Variants in VTA1 observed in about 807,000 individuals in gnomAD.
The protein encoded by VTA1 is vacuolar protein sorting-associated protein VTA1 homolog.
VTA1 carries 24 observed loss-of-function variants against 36.9 expected under a neutral mutation model. The observed-to-expected ratio is 0.65, with a 90% CI of 0.47 to 0.91. VTA1 has a LOEUF of 0.91. Ranked by LOEUF, VTA1 falls within the 40% of genes least tolerant of loss-of-function variation. The pLI, the probability that VTA1 is intolerant of heterozygous loss-of-function variation, is 0.00. For missense variants in VTA1, 393 were observed against 377.2 expected (o/e 1.04, Z -0.35); for synonymous variants, 142 against 130.2 (o/e 1.09, Z -0.62).
At chr6:142,149,166 T>A (rs1006028994) in intron 1 of VTA1, among the ~76,000 whole-genome samples, 2 of 152,222 alleles carry the variant, frequency 1.3e-5, no homozygotes, top group Admixed American at 6.5e-5. Context: ...TTGAAATAGT[T>A]GTCCATAAGT....
intron 5 of VTA1, among the ~76,000 whole-genome samples, chr6:142,190,933 CTAAT>C (rs1300173765): frequency 6.6e-6 from 1 of 152,098 alleles, no homozygotes; most frequent in Non-Finnish European, 1.5e-5. Flanking sequence ...CAACCCCAAT[CTAAT>C]TAATCTCTTT....
intron 1 of VTA1, among the ~76,000 whole-genome samples, chr6:142,159,478 GTAT>G (rs199893577): frequency 0.26 from 35,080 of 134,594 alleles, 4,808 homozygotes; most frequent in Middle Eastern, 0.37. Context: ...TTCATTTCAG[GTAT>G]TATTATTATT....
chr6:142,147,460 C>G lies in VTA1; in HGVS notation c.112+61C>G, dbSNP rs1008429318. 1.5e-5 allele frequency: 22 copies of G among 1,502,766 alleles called. No homozygotes were observed. In the Admixed American group the frequency reaches 4.1e-4, roughly 28 times the overall value. The allele number at this position is 1,502,766 out of a possible 1,614,324, so 93.1% of individuals were successfully genotyped here. A position where few individuals can be genotyped will look rare whatever the true frequency, so the allele number is the denominator to read the frequency against. ...CAGTTGCATTTTAGGGCCCACACAC[C>G]TCCCTGAGGTTCTTGGGGCATGCCC... On this transcript the variant is annotated intron_variant, in intron 1 of 7. Transcript: ENST00000367630.
chr6:142,172,921 G>T lies in VTA1; in HGVS notation c.411+2500G>T, dbSNP rs375042517. ...CCTTGGGGTGCTTTGTATAATAGGA[G>T]CCTGTACAATGAACTGAAGTGAGGG... On this transcript the variant is annotated intron_variant, in intron 4 of 7. Coordinates refer to ENST00000367630, the MANE Select transcript of VTA1 (RefSeq NM_016485.5). Among the ~76,000 whole-genome samples the T allele has an allele frequency of 2.1e-4, 31 of 150,768 alleles. No individual in the cohort carries two copies. In the South Asian group the frequency reaches 6.5e-3, roughly 32 times the overall value.
At chr6:142,153,077 T>C (rs1687319662) in intron 1 of VTA1, among the ~76,000 whole-genome samples, 1 of 152,152 alleles carries the variant, frequency 6.6e-6, no homozygotes, top group African/African-American at 2.4e-5. Flanking sequence ...TCTGTTTATC[T>C]TTCAATCTTG....
At chr6:142,217,722 T>C (rs776627590) in intron 7 of VTA1, among the ~76,000 whole-genome samples, 9 of 152,036 alleles carry the variant, frequency 5.9e-5, no homozygotes, top group Non-Finnish European at 1.2e-4. Flanking sequence ...CTCCTGAGAA[T>C]TCTCATAAAA....
intron 1 of VTA1, among the ~76,000 whole-genome samples, chr6:142,154,878 T>C (rs1241513713): frequency 6.6e-6 from 1 of 152,088 alleles, no homozygotes; most frequent in African/African-American, 2.4e-5. Flanking sequence ...TACTCTGGTT[T>C]CTTAGATATT....
At chr6:142,210,502 TG>T (rs1327819385) in intron 7 of VTA1, among the ~76,000 whole-genome samples, 1 of 152,142 alleles carries the variant, frequency 6.6e-6, no homozygotes, top group Non-Finnish European at 1.5e-5. Flanking sequence ...ACCCATGGAA[TG>T]GGAGAAAATA....
intron 3 of VTA1, 105 bp downstream of exon 3, chr6:142,169,782 GT>G: frequency 2.7e-6 from 3 of 1,096,648 alleles, no homozygotes; most frequent in Non-Finnish European, 2.4e-6. Context: ...ATTGATTTAG[GT>G]TTTTTTAGAA....
intron 7 of VTA1, among the ~76,000 whole-genome samples, chr6:142,213,999 GT>G (rs375884348): frequency 1.0e-4 from 15 of 150,630 alleles, no homozygotes; most frequent in Admixed American, 2.7e-4. Flanking sequence ...AGAAAACAGG[GT>G]TTTTTTTTTG....
At chr6:142,186,771 A>AGATTC (rs1775347180) in intron 4 of VTA1, among the ~76,000 whole-genome samples, 2 of 152,166 alleles carry the variant, frequency 1.3e-5, no homozygotes, top group Non-Finnish European at 2.9e-5. Context: ...TAAATTTAAG[A>AGATTC]ATAATAAATT....
rs747440541 is a variant in VTA1 at position 142,216,189 on chromosome 6, T to A, written c.779-2309T>A. On this transcript the variant is annotated intron_variant, in intron 7 of 7. Transcript: ENST00000367630. Reference sequence around the variant, plus strand: ...TATATTGACCTTTTTGAGTATAAAGTCAGATAAACTGAAATTTAACACTTG... The same window carrying A: ...TATATTGACCTTTTTGAGTATAAAGACAGATAAACTGAAATTTAACACTTG... Among the ~76,000 whole-genome samples, 23 of 152,234 alleles carry A rather than the reference T, an allele frequency of 1.5e-4. No individual in the cohort carries two copies. In the Middle Eastern group the frequency reaches 0.031, roughly 203 times the overall value.
intron 6 of VTA1, among the ~76,000 whole-genome samples, chr6:142,199,535 A>T (rs1055058093): frequency 6.6e-6 from 1 of 151,918 alleles, no homozygotes; most frequent in Non-Finnish European, 1.5e-5. Flanking sequence ...GTAACACACT[A>T]CTACTTTACT....
chr6:142,202,358 A>G (rs1269044630), intron 6 of VTA1, among the ~76,000 whole-genome samples: 5 of 151,968 alleles, frequency 3.3e-5, no homozygotes, highest in Admixed American at 6.6e-5. Context: ...AAATATATTC[A>G]TATACACAGT....
In VTA1 at chr6:142,180,346, A is replaced by C. The variant is rs375382596; in HGVS notation, c.412-9080A>C. Among the ~76,000 whole-genome samples, 24 of 152,332 alleles carry C rather than the reference A, an allele frequency of 1.6e-4. No homozygotes were observed. The South Asian group carries it at 5.0e-3, about 32-fold the overall frequency. On this transcript the variant is annotated intron_variant, in intron 4 of 7. Coordinates refer to ENST00000367630, the MANE Select transcript of VTA1 (RefSeq NM_016485.5). ...AAGCCAGGGACAGTTTGAGCATAAA[A>C]ATAAGAATGATAGTAATGGATGATA...
chr6:142,165,316 C>CA (rs1291310065), intron 1 of VTA1, among the ~76,000 whole-genome samples: 1 of 152,122 alleles, frequency 6.6e-6, no homozygotes, highest in Non-Finnish European at 1.5e-5. Context: ...CCGTAGGTCT[C>CA]AAAATGAAAC....
intron 1 of VTA1, among the ~76,000 whole-genome samples, chr6:142,148,324 C>T (rs571770411): frequency 1.1e-4 from 16 of 152,314 alleles, no homozygotes; most frequent in Middle Eastern, 6.8e-3. Context: ...CCTTTTCAGA[C>T]CTACCATCTT....
intron 4 of VTA1, among the ~76,000 whole-genome samples, chr6:142,176,616 T>TA (rs1775131060): frequency 1.3e-5 from 2 of 151,910 alleles, no homozygotes; most frequent in South Asian, 2.1e-4. Context: ...TTTTTTTTTT[T>TA]AAATTTTCAA....
At chr6:142,168,685 C>A (rs1034461878) in intron 2 of VTA1, among the ~76,000 whole-genome samples, 1 of 150,484 alleles carries the variant, frequency 6.6e-6, no homozygotes, top group Admixed American at 6.6e-5. Flanking sequence ...TCATCTTATA[C>A]CTTACTTTGA....
Sources: gnomAD v4.1 joint callset for allele counts (sites outside exome capture counted in the v4.1 genomes callset) on GRCh38, gnomAD v4.1.1 for gene constraint, MANE v1.5 for transcripts, NCBI Gene and HGNC (gene_info 2026-07-23, HGNC 2026-07-21) for gene names.